SLC9A7: variants seen among roughly 807,000 people sequenced by gnomAD.
SLC9A7 encodes the protein solute carrier family 9 member A7.
Under a neutral mutation model 52.6 loss-of-function variants are expected in SLC9A7, and 19 were observed. That is an observed-to-expected ratio of 0.36 (90% CI 0.25 to 0.53). The LOEUF is 0.53. SLC9A7 is among the 20% of genes least tolerant of loss of function. SLC9A7 has a pLI of 0.91. For missense variants in SLC9A7, 455 were observed against 597.9 expected (o/e 0.76, Z 2.49); for synonymous variants, 226 against 252.1 (o/e 0.90, Z 0.98).
chrX:46,691,401 G>T (rs1029454586), intron 1 of SLC9A7, among the ~76,000 whole-genome samples: 1 of 112,023 alleles, frequency 8.9e-6, no homozygotes, highest in African/African-American at 3.2e-5. Flanking sequence ...TATTTTGTCT[G>T]GTAGTAATGA....
rs1447337518 is a variant in SLC9A7, at chrX:46,603,754, G to A, written c.*3198C>T. The A allele has an allele frequency of 1.8e-5, 2 of 111,638 alleles. No individual in the cohort carries two copies. Among genetic ancestry groups the A allele is most frequent in the Non-Finnish European group, 3.8e-5 (2 of 53,152 alleles). The allele number at this position is 111,638 out of a possible 1,213,427, so 9.2% of individuals were successfully genotyped here. A position where few individuals can be genotyped will look rare whatever the true frequency, so the allele number is the denominator to read the frequency against. On this transcript the variant is annotated 3_prime_UTR_variant, in exon 17 of 17. Transcript: ENST00000616978. Reference sequence around the variant, plus strand: ...CTCGGGAGGCTGAGGTAGGAGAATCGCTTGAACCCAGGAGGTGGAGATTGC... The same window carrying A: ...CTCGGGAGGCTGAGGTAGGAGAATCACTTGAACCCAGGAGGTGGAGATTGC...
At chrX:46,610,594 G>T (rs762111741) in intron 16 of SLC9A7, among the ~76,000 whole-genome samples, 1 of 111,595 alleles carries the variant, frequency 9.0e-6, no homozygotes, top group African/African-American at 3.3e-5. Context: ...TCTGGAGCTG[G>T]CTGAGACCCT....
chrX:46,746,032 A>G (rs1203756501), intron 1 of SLC9A7, among the ~76,000 whole-genome samples: 2 of 108,620 alleles, frequency 1.8e-5, no homozygotes, highest in Admixed American at 9.8e-5. Context: ...ACAATCAAGA[A>G]AAAAAAAACA....
chrX:46,655,556 T>C (rs1409856385), intron 7 of SLC9A7, among the ~76,000 whole-genome samples: 1 of 112,041 alleles, frequency 8.9e-6, no homozygotes, highest in East Asian at 2.8e-4. Context: ...CTGCCTCACT[T>C]GGGAAGCGCA....
At chrX:46,700,271 G>A (rs1265024348) in intron 1 of SLC9A7, among the ~76,000 whole-genome samples, 1 of 112,013 alleles carries the variant, frequency 8.9e-6, no homozygotes, top group African/African-American at 3.2e-5. Flanking sequence ...CAAAATCAAG[G>A]ACAGTGTGCC....
chrX:46,662,289 A>C, intron 6 of SLC9A7, 132 bp from the exon 7 acceptor site: 1 of 653,705 alleles, frequency 1.5e-6, no homozygotes, highest in Non-Finnish European at 2.3e-6. Context: ...ATTTAATTTA[A>C]TCTGCAGCCA....
chrX:46,671,420 C>T (rs1266646774), intron 4 of SLC9A7, among the ~76,000 whole-genome samples: 2 of 108,437 alleles, frequency 1.8e-5, no homozygotes, highest in African/African-American at 6.8e-5. Flanking sequence ...GCCACCACTC[C>T]CGGCTAATTT....
intron 1 of SLC9A7, among the ~76,000 whole-genome samples, chrX:46,692,101 T>G: frequency 9.0e-6 from 1 of 111,483 alleles, no homozygotes; most frequent in Non-Finnish European, 1.9e-5. Context: ...TTTCTTTTAA[T>G]AAGAATTAAA....
At chrX:46,747,474 A>G (rs1274722335) in intron 1 of SLC9A7, among the ~76,000 whole-genome samples, 1 of 111,892 alleles carries the variant, frequency 8.9e-6, no homozygotes, top group Non-Finnish European at 1.9e-5. Flanking sequence ...TAATTCGTTT[A>G]TAAACAAAAT....
intron 1 of SLC9A7, among the ~76,000 whole-genome samples, chrX:46,707,407 A>G (rs1393022198): frequency 8.9e-6 from 1 of 111,880 alleles, no homozygotes; most frequent in African/African-American, 3.3e-5. Context: ...ACTTGAGGCA[A>G]GGTGGCCAGG....
intron 5 of SLC9A7, among the ~76,000 whole-genome samples, chrX:46,666,599 C>T (rs1943925743): frequency 8.9e-6 from 1 of 112,197 alleles, no homozygotes; most frequent in South Asian, 3.7e-4. Context: ...CCTTACTGTG[C>T]CAGTCTTCAT....
At chrX:46,643,116 C>A in intron 12 of SLC9A7, 120 bp downstream of exon 12, 1 of 661,302 alleles carries the variant, frequency 1.5e-6, no homozygotes, top group Admixed American at 4.1e-5. Context: ...CCCTCACAAA[C>A]AAAACCAAAG....
At chrX:46,699,301 C>A (rs144938931) in intron 1 of SLC9A7, among the ~76,000 whole-genome samples, 1 of 111,628 alleles carries the variant, frequency 9.0e-6, no homozygotes, top group Non-Finnish European at 1.9e-5. Flanking sequence ...GGGTGAGACA[C>A]CAGGAAGAAC....
At chrX:46,656,030 C>G (rs1298884754) in intron 7 of SLC9A7, among the ~76,000 whole-genome samples, 1 of 110,821 alleles carries the variant, frequency 9.0e-6, no homozygotes, top group East Asian at 2.9e-4. Context: ...GATCTGAGAA[C>G]GGGCAGACTG....
At chrX:46,621,169 C>T (rs1423965591) in intron 14 of SLC9A7, 110 bp from the exon 15 acceptor site, 7 of 425,259 alleles carry the variant, frequency 1.6e-5, no homozygotes, top group African/African-American at 5.0e-5. Flanking sequence ...CATAGTCAAA[C>T]ATCCCATGTC....
intron 10 of SLC9A7, 95 bp from the exon 11 acceptor site, chrX:46,648,892 C>T (rs1943537335): frequency 1.6e-6 from 1 of 617,002 alleles, no homozygotes; most frequent in Non-Finnish European, 2.7e-6. Context: ...AATGCTGTGA[C>T]ACCTCGTTAT....
In SLC9A7 at chrX:46,613,458, A is replaced by T. The variant is rs1460577206; in HGVS notation, c.1824-64T>A. The T allele has an allele frequency of 1.6e-5, 14 of 856,692 alleles. No homozygotes were observed. The Admixed American group carries it at 4.4e-4, about 27-fold the overall frequency. The allele number at this position is 856,692 out of a possible 1,213,427, so 70.6% of individuals were successfully genotyped here. ...AACATATACACAACAAAATGTGCTT[A>T]AAAAATTGCCCGACATTCCACCCAC... On this transcript the variant is annotated intron_variant, in intron 15 of 16. Transcript: ENST00000616978.
At position 46,606,750 on chromosome X, in the gene SLC9A7, C is replaced by T. The variant is rs1942750445; in HGVS notation, c.*202G>A. ...TGTGAAAAAAGTGGGAATAGGTCTA[C>T]GTTTGTCTGAATTTAGAGACACTTT... On this transcript the variant is annotated 3_prime_UTR_variant, in exon 17 of 17. Coordinates refer to ENST00000616978, the MANE Select transcript of SLC9A7 (RefSeq NM_001257291.2). 15 of 1,086,556 alleles carry T rather than the reference C, an allele frequency of 1.4e-5. No individual in the cohort carries two copies. The South Asian group carries it at 2.4e-4, about 18-fold the overall frequency. The allele number at this position is 1,086,556 out of a possible 1,213,427, so 89.5% of individuals were successfully genotyped here.
intron 4 of SLC9A7, among the ~76,000 whole-genome samples, chrX:46,671,494 C>T (rs1944023092): frequency 9.1e-6 from 1 of 109,541 alleles, no homozygotes. Flanking sequence ...TGGTCTCGAT[C>T]TCCAGACCTT....
Sources: gnomAD v4.1 joint callset for allele counts (sites outside exome capture counted in the v4.1 genomes callset) on GRCh38, gnomAD v4.1.1 for gene constraint, MANE v1.5 for transcripts, NCBI Gene and HGNC (gene_info 2026-07-23, HGNC 2026-07-21) for gene names.